Variants in PAOX observed in about 807,000 individuals in gnomAD.
The protein encoded by PAOX is polyamine oxidase.
Under a neutral mutation model 39.0 loss-of-function variants are expected in PAOX, and 38 were observed. The observed-to-expected ratio is 0.97, with a 90% CI of 0.75 to 1.28. PAOX has a LOEUF of 1.28. Among genes scored for constraint, PAOX ranks in the 50% most tolerant of loss-of-function variants. The pLI is 0.00. For synonymous variants in PAOX, 311 were observed against 314.4 expected, an observed-to-expected ratio of 0.99 and a Z score of 0.11; for missense variants, 667 against 685.7, an observed-to-expected ratio of 0.97 and a Z score of 0.30.
chr10:133,386,710 G>C (rs572477892), intron 4 of PAOX, among the ~76,000 whole-genome samples: 6 of 152,266 alleles, frequency 3.9e-5, no homozygotes, highest in African/African-American at 1.4e-4. Context: ...CTGACCTCAA[G>C]TGATCTGCCC....
intron 3 of PAOX, among the ~76,000 whole-genome samples, chr10:133,382,015 C>T (rs754603103): frequency 3.3e-5 from 5 of 152,064 alleles, no homozygotes; most frequent in African/African-American, 4.8e-5. Flanking sequence ...TTGAAGGAGC[C>T]GTGTGTATAA....
chr10:133,380,019 G>C lies in PAOX; in HGVS notation c.202G>C (p.Ala68Pro). ...RCFGGVVEVG[A>P]HWIHGPSRGN... is the part of the protein sequence containing the mutation. ...CGCAGGTGGCGTGGTGGAGGTGGGC[G>C]CGCACTGGATCCATGGGCCCTCCCG... The change falls in exon 2 of 7, where the codon GCG becomes CCG. Residue 68 changes from alanine (A) to proline (P), a missense_variant. Physicochemically the swap from Ala to Pro is conservative, Grantham distance 27. Transcript: ENST00000278060. The C allele has an allele frequency of 6.6e-7, 1 of 1,515,016 alleles. No homozygotes were observed. Among genetic ancestry groups the C allele is most frequent in the Non-Finnish European group, 8.8e-7 (1 of 1,136,934 alleles). The allele number at this position is 1,515,016 out of a possible 1,614,324, so 93.8% of individuals were successfully genotyped here.
At chr10:133,382,106 T>C (rs1236483903) in intron 3 of PAOX, among the ~76,000 whole-genome samples, 1 of 152,162 alleles carries the variant, frequency 6.6e-6, no homozygotes, top group East Asian at 1.9e-4. Context: ...AAGGTGGAGA[T>C]GGTTGAAAAC....
At chr10:133,389,177 G>A (rs1589900559) in intron 5 of PAOX, 109 bp downstream of exon 5, 4 of 862,118 alleles carry the variant, frequency 4.6e-6, no homozygotes, top group Admixed American at 1.8e-5. Context: ...GGCTGACTCT[G>A]TACATCTCCA....
Position 133,380,013 on chromosome 10 carries a change from G to A in PAOX, c.196G>A (p.Val66Met). Residue 66 changes from valine to methionine, a missense_variant, in exon 2 of 7, where the codon GTG becomes ATG. Transcript: ENST00000278060. ...TCCCCTCGCAGGTGGCGTGGTGGAGGTGGGCGCGCACTGGATCCATGGGCC... is the reference window on the plus strand; with the variant it reads ...TCCCCTCGCAGGTGGCGTGGTGGAGATGGGCGCGCACTGGATCCATGGGCC... Reference protein sequence around the residue: ...SERCFGGVVEVGAHWIHGPSR... With the variant: ...SERCFGGVVEMGAHWIHGPSR... 1 of 1,511,378 alleles carries A rather than the reference G, an allele frequency of 6.6e-7. No homozygotes were observed. Among genetic ancestry groups the A allele is most frequent in the Non-Finnish European group, 8.8e-7 (1 of 1,134,722 alleles). The allele number at this position is 1,511,378 out of a possible 1,614,324, so 93.6% of individuals were successfully genotyped here.
Position 133,380,438 on chromosome 10 carries a change from C to T in PAOX, c.621C>T (p.Pro207=), listed in dbSNP as rs1362034165. Residue 207 remains proline (P), a synonymous_variant, in exon 2 of 7, where the codon CCC becomes CCT. Transcript: ENST00000278060. ...THSMDLVALA[P]FGEYTVLPGL... ...GCATGGACCTGGTGGCCCTGGCACC[C>T]TTTGGGGAGTATACCGTGCTGCCGG... 1.2e-6 allele frequency: 2 copies of T among 1,612,272 alleles called. No homozygotes were observed. The highest frequency in any genetic ancestry group is 1.7e-4 in the Middle Eastern group (1 of 6,060).
chr10:133,390,941 CCTTTCCCACCCATTGGTGGA>C, intron 6 of PAOX: 1 of 693,592 alleles, frequency 1.4e-6, no homozygotes, highest in South Asian at 1.5e-5. Flanking sequence ...GCAGTGGCTT[CCTTTCCCACCCATTGGTGGA>C]TGCGTGTGAG....
chr10:133,380,501 C>G lies in PAOX; in HGVS notation c.668+16C>G, dbSNP rs1379215132. 6.5e-7 allele frequency: 1 copy of G among 1,547,412 alleles called. No individual in the cohort carries two copies. Among genetic ancestry groups the G allele is most frequent in the East Asian group, 2.3e-5 (1 of 42,586 alleles). ...CCTTTTCTAAGTGCGTGCCTGAGCC[C>G]CTGCCCCGCCAGTCCTCCCACCAGG... On this transcript the variant is annotated intron_variant, in intron 2 of 6. Coordinates refer to ENST00000278060, the MANE Select transcript of PAOX (RefSeq NM_152911.4).
In PAOX at chr10:133,380,113, A is replaced by G; in HGVS notation, c.296A>G (p.Asn99Ser). The change falls in exon 2 of 7, where the codon AAC becomes AGC. Residue 99 changes from asparagine (N) to serine (S), a missense_variant. Transcript: ENST00000278060. The part of the protein sequence containing the change: ...LLGEKELSQE[N>S]QLVETGGHVG... ...GGGGAGAAGGAGCTGTCCCAGGAGA[A>G]CCAGCTGGTGGAGACCGGGGGTCAC... 1 of 1,570,812 alleles carries G rather than the reference A, an allele frequency of 6.4e-7. No individual in the cohort carries two copies.
In PAOX at chr10:133,384,066, G is replaced by A. The variant is rs1473502860; in HGVS notation, c.975G>A (p.Leu325=). 6.2e-7 allele frequency: 1 copy of A among 1,614,084 alleles called. No individual in the cohort carries two copies. Among genetic ancestry groups the A allele is most frequent in the Admixed American group, 1.7e-5 (1 of 60,012 alleles). The change falls in exon 4 of 7, where the codon CTG becomes CTA. Residue 325 remains leucine, a synonymous_variant. Transcript: ENST00000278060. This position sits in a 1 kb window ranked among gnomAD's most constrained non-coding sequence, Gnocchi z 4.3. The part of the protein sequence containing the change: ...IGFGTNNKIF[L]EFEEPFWEPD... ...TTGGGACCAACAACAAAATCTTCCTGGAGTTTGAGGAGCCCTTCTGGGAGC... is the reference window on the plus strand; with the variant it reads ...TTGGGACCAACAACAAAATCTTCCTAGAGTTTGAGGAGCCCTTCTGGGAGC...
At chr10:133,385,674 C>T (rs952442210) in intron 4 of PAOX, among the ~76,000 whole-genome samples, 1 of 152,194 alleles carries the variant, frequency 6.6e-6, no homozygotes, top group African/African-American at 2.4e-5. Flanking sequence ...AGCCCCACCT[C>T]CTGGGTTCAC....
chr10:133,385,939 T>C (rs1380648395), intron 4 of PAOX, among the ~76,000 whole-genome samples: 1 of 152,096 alleles, frequency 6.6e-6, no homozygotes. Context: ...TATTCTATGT[T>C]AGCATAAATA....
At chr10:133,390,836 T>TC in intron 6 of PAOX, 1 of 289,670 alleles carries the variant, frequency 3.5e-6, no homozygotes, top group Non-Finnish European at 6.7e-6. Flanking sequence ...TCCCCCACCC[T>TC]CCCCATATGT....
intron 5 of PAOX, among the ~76,000 whole-genome samples, 184 bp downstream of exon 5, chr10:133,389,252 C>T (rs1293490851): frequency 6.6e-6 from 1 of 152,242 alleles, no homozygotes; most frequent in Non-Finnish European, 1.5e-5. Context: ...ACTGAAATGA[C>T]TTTGCAAACA....
In PAOX at chr10:133,379,997, A is replaced by G; in HGVS notation, c.182-2A>G. 6.6e-7 allele frequency: 1 copy of G among 1,508,616 alleles called. No individual in the cohort carries two copies. The highest frequency in any genetic ancestry group is 2.3e-5 in the Admixed American group (1 of 44,072). The allele number at this position is 1,508,616 out of a possible 1,614,324, so 93.5% of individuals were successfully genotyped here. A position where few individuals can be genotyped will look rare whatever the true frequency, so the allele number is the denominator to read the frequency against. On this transcript the variant is annotated splice_acceptor_variant, in intron 1 of 6. Coordinates refer to ENST00000278060, the MANE Select transcript of PAOX (RefSeq NM_152911.4). LOFTEE classifies it high-confidence loss of function. ...CAGGTGGCATCTGCTGTCCCCTCGC[A>G]GGTGGCGTGGTGGAGGTGGGCGCGC... is the stretch of plus-strand genomic sequence containing the variant.
At chr10:133,379,723 G>A in intron 1 of PAOX, 1 of 529,062 alleles carries the variant, frequency 1.9e-6, no homozygotes, top group Non-Finnish European at 3.0e-6. Flanking sequence ...CCACAAGGCC[G>A]CCCTGATTCT....
rs374526467 is a variant in PAOX at position 133,381,514 on chromosome 10, A to C, written c.723A>C (p.Val241=). 6.8e-6 allele frequency: 11 copies of C among 1,613,550 alleles called. No homozygotes were observed. The highest frequency in any genetic ancestry group is 1.7e-5 in the Admixed American group (1 of 60,006). The part of the protein sequence containing the change: ...CMMAALPEDT[V]VFEKPVKTIH... ...TGGCCGCCCTGCCGGAGGACACTGT[A>C]GTTTTTGAGAAGCCTGTGAAGACCA... Residue 241 remains valine (V), a synonymous_variant, in exon 3 of 7, where the codon GTA becomes GTC. Coordinates refer to ENST00000278060, the MANE Select transcript of PAOX (RefSeq NM_152911.4).
At chr10:133,379,600 C>A (rs904907422) in intron 1 of PAOX, 103 bp downstream of exon 1, 2 of 969,754 alleles carry the variant, frequency 2.1e-6, no homozygotes, top group Non-Finnish European at 2.7e-6. Flanking sequence ...GGCCGCCTCA[C>A]CGGGCTCCCC....
At chr10:133,388,837 CT>C (rs1849592017) in intron 4 of PAOX, 118 bp from the exon 5 acceptor site, 3 of 190,416 alleles carry the variant, frequency 1.6e-5, no homozygotes, top group Non-Finnish European at 2.0e-5. Flanking sequence ...CCGGGGCTCT[CT>C]TTCTCCATGC....
Sources: allele counts gnomAD v4.1 joint callset (sites outside exome capture counted in the v4.1 genomes callset), GRCh38; gene constraint gnomAD v4.1.1; non-coding constraint Gnocchi (gnomAD v3.1); transcripts MANE v1.5; gene names NCBI Gene and HGNC (gene_info 2026-07-23, HGNC 2026-07-21).